The following CTIF variants were observed in gnomAD, a reference collection of about 807,000 sequenced individuals.
CTIF encodes CBP80/20-dependent translation initiation factor.
In CTIF, 21 loss-of-function variants were observed where a neutral mutation model predicts 66.0. The ratio of observed to expected loss-of-function variants is 0.32; its 90% CI spans 0.23 to 0.46. The LOEUF (loss-of-function observed/expected upper bound fraction) is 0.46, where lower values mean the gene tolerates loss of function less well. Ranked by LOEUF, CTIF falls within the 20% of genes least tolerant of loss-of-function variation. The probability of loss-of-function intolerance (pLI) is 1.00; values close to 1 mark genes in which losing one functional copy is unlikely to be tolerated. For synonymous variants in CTIF, 345 were observed against 326.4 expected (o/e 1.06, Z -0.62); for missense variants, 739 against 812.7 (o/e 0.91, Z 1.10).
chr18:48,562,302 A>C (rs1007666018), intron 1 of CTIF, among the ~76,000 whole-genome samples: 1 of 152,372 alleles, frequency 6.6e-6, no homozygotes, highest in Non-Finnish European at 1.5e-5. Context: ...AGGCAGAGTT[A>C]ACAGAGAGGT....
chr18:48,809,973 G>A (rs1192201233), intron 9 of CTIF, among the ~76,000 whole-genome samples: 1 of 151,236 alleles, frequency 6.6e-6, no homozygotes, highest in Non-Finnish European at 1.5e-5. Flanking sequence ...TCTGTATTAT[G>A]TCCTTATATT....
At chr18:48,830,496 C>T (rs1423678735) in intron 10 of CTIF, among the ~76,000 whole-genome samples, 1 of 152,176 alleles carries the variant, frequency 6.6e-6, no homozygotes, top group African/African-American at 2.4e-5. Context: ...AAATTGACTT[C>T]CTCCCTTCCC....
At chr18:48,634,472 A>T (rs1390515302) in intron 2 of CTIF, among the ~76,000 whole-genome samples, 5 of 152,326 alleles carry the variant, frequency 3.3e-5, no homozygotes, top group African/African-American at 1.2e-4. Context: ...GAAAATGGCA[A>T]CCTCAGGTAG....
chr18:48,677,674 A>C (rs1221734382), intron 6 of CTIF, among the ~76,000 whole-genome samples: 1 of 152,132 alleles, frequency 6.6e-6, no homozygotes, highest in African/African-American at 2.4e-5. Context: ...CTCATCACTC[A>C]AGAATCGTCA....
intron 7 of CTIF, among the ~76,000 whole-genome samples, chr18:48,725,918 C>T (rs2092382710): frequency 6.6e-6 from 1 of 152,134 alleles, no homozygotes; most frequent in Non-Finnish European, 1.5e-5. Flanking sequence ...CACCAGGGCC[C>T]TTATTCCAGC....
At chr18:48,742,459 G>T (rs1184160505) in intron 7 of CTIF, among the ~76,000 whole-genome samples, 1 of 152,226 alleles carries the variant, frequency 6.6e-6, no homozygotes, top group Non-Finnish European at 1.5e-5. Context: ...CCTGCCACAG[G>T]AACCGTAGCA....
At chr18:48,627,470 G>A (rs938095470) in intron 2 of CTIF, among the ~76,000 whole-genome samples, 1 of 152,100 alleles carries the variant, frequency 6.6e-6, no homozygotes, top group Non-Finnish European at 1.5e-5. Context: ...TGTAATCCCA[G>A]CACTTTAGAA....
At position 48,856,509 on chromosome 18, in the gene CTIF, A is replaced by G. The variant is rs59165719; in HGVS notation, c.1528-1079A>G. Among the ~76,000 whole-genome samples, 423 of 152,372 alleles carry G rather than the reference A, an allele frequency of 2.8e-3. 10 individuals carry two copies. The highest frequency in any genetic ancestry group is 9.6e-3 in the African/African-American group (401 of 41,596). Reference sequence around the variant, plus strand: ...ATAGCTAAAAGGTGGAAACAACGCAAAAGTCCATTAACAGATGAATGGATA... The same window carrying G: ...ATAGCTAAAAGGTGGAAACAACGCAGAAGTCCATTAACAGATGAATGGATA... On this transcript the variant is annotated intron_variant, in intron 10 of 11. Coordinates refer to ENST00000256413, the MANE Select transcript of CTIF (RefSeq NM_014772.3).
chr18:48,780,521 A>G (rs1911102397), intron 9 of CTIF, among the ~76,000 whole-genome samples: 1 of 152,064 alleles, frequency 6.6e-6, no homozygotes, highest in Non-Finnish European at 1.5e-5. Context: ...GGTGAGGGAC[A>G]CTTTATCCAG....
intron 1 of CTIF, among the ~76,000 whole-genome samples, chr18:48,544,812 G>C (rs888911098): frequency 6.6e-6 from 1 of 152,172 alleles, no homozygotes; most frequent in African/African-American, 2.4e-5. Context: ...AGTAGTTGTC[G>C]GGCTGCTTTT....
chr18:48,783,773 G>A (rs879261148), intron 9 of CTIF, among the ~76,000 whole-genome samples: 3 of 152,058 alleles, frequency 2.0e-5, no homozygotes, highest in African/African-American at 4.8e-5. Context: ...CCACCATCCC[G>A]TAGGCCGGGG....
intron 8 of CTIF, among the ~76,000 whole-genome samples, chr18:48,758,916 C>G (rs1369492575): frequency 6.6e-6 from 1 of 152,180 alleles, no homozygotes; most frequent in Non-Finnish European, 1.5e-5. Context: ...CTTCCTGTTT[C>G]CCGCCTTCAT....
At chr18:48,620,497 T>C (rs905439137) in intron 2 of CTIF, among the ~76,000 whole-genome samples, 2 of 152,218 alleles carry the variant, frequency 1.3e-5, no homozygotes, top group Non-Finnish European at 2.9e-5. Context: ...CAGATTGGCT[T>C]CTAGCTGCCA....
chr18:48,764,042 C>G lies in CTIF; in HGVS notation c.1371+2353C>G, dbSNP rs140780889. Among the ~76,000 whole-genome samples the G allele has an allele frequency of 3.8e-3, 574 of 152,226 alleles. 2 individuals carry two copies. The highest frequency in any genetic ancestry group is 0.031 in the Middle Eastern group (9 of 294). Reference sequence around the variant, plus strand: ...CCACCCCCCATCAGCCAGGCTGAACCTCCCAGTACACCCTGCATGGACGAA... The same window carrying G: ...CCACCCCCCATCAGCCAGGCTGAACGTCCCAGTACACCCTGCATGGACGAA... On this transcript the variant is annotated intron_variant, in intron 9 of 11. Transcript: ENST00000256413.
intron 10 of CTIF, among the ~76,000 whole-genome samples, chr18:48,819,690 T>C (rs1428507462): frequency 5.3e-5 from 8 of 152,208 alleles, no homozygotes; most frequent in Non-Finnish European, 7.3e-5. Flanking sequence ...CATCCAATGC[T>C]CATGGTAAAC....
chr18:48,788,921 G>A (rs566299557), intron 9 of CTIF, among the ~76,000 whole-genome samples: 4 of 152,240 alleles, frequency 2.6e-5, no homozygotes, highest in South Asian at 2.1e-4. Flanking sequence ...TCTGGTTAAC[G>A]ATGGCCAAAA....
intron 7 of CTIF, among the ~76,000 whole-genome samples, chr18:48,749,296 GGGGATAAA>G (rs1907561951): frequency 6.6e-6 from 1 of 152,208 alleles, no homozygotes; most frequent in Non-Finnish European, 1.5e-5. Context: ...GCTTTGGGCT[GGGGATAAA>G]GGAAGTCACT....
intron 1 of CTIF, among the ~76,000 whole-genome samples, chr18:48,604,997 T>C (rs571267668): frequency 2.6e-4 from 40 of 152,338 alleles, no homozygotes; most frequent in African/African-American, 9.1e-4. Context: ...ATTGCATGCA[T>C]AGTTCATATT....
intron 6 of CTIF, among the ~76,000 whole-genome samples, chr18:48,680,747 TTC>T (rs2091726387): frequency 6.6e-6 from 1 of 152,250 alleles, no homozygotes; most frequent in African/African-American, 2.4e-5. Context: ...GTCCAGCATC[TTC>T]CCTCCTCTGT....
Sources: allele counts gnomAD v4.1 joint callset (sites outside exome capture counted in the v4.1 genomes callset), GRCh38; gene constraint gnomAD v4.1.1; transcripts MANE v1.5; gene names NCBI Gene and HGNC (gene_info 2026-07-23, HGNC 2026-07-21).